The following GRM5 variants were observed in gnomAD, a reference collection of about 807,000 sequenced individuals.
GRM5 encodes metabotropic glutamate receptor 5.
A neutral mutation model predicts 83.1 loss-of-function variants in GRM5; 19 were observed. The observed-to-expected ratio is 0.23, with a 90% CI of 0.16 to 0.34. The LOEUF (loss-of-function observed/expected upper bound fraction) is 0.34, where lower values mean the gene tolerates loss of function less well. Ranked by LOEUF, GRM5 falls within the 10% of genes least tolerant of loss-of-function variation. GRM5 has a pLI of 1.00. For synonymous variants in GRM5, 675 were observed against 633.6 expected, an observed-to-expected ratio of 1.07 and a Z score of -0.98; for missense variants, 1,160 against 1,588.3, an observed-to-expected ratio of 0.73 and a Z score of 4.58.
At chr11:89,002,897 G>A (rs932911861) in intron 2 of GRM5, among the ~76,000 whole-genome samples, 2 of 151,926 alleles carry the variant, frequency 1.3e-5, no homozygotes, top group African/African-American at 4.8e-5. Context: ...GGCTCACCCA[G>A]AGAACCTTAT....
chr11:88,722,223 T>G (rs1234049629), intron 3 of GRM5, among the ~76,000 whole-genome samples: 1 of 152,122 alleles, frequency 6.6e-6, no homozygotes, highest in Admixed American at 6.6e-5. Context: ...GAGGGTGGAA[T>G]AGCAGAATTA....
At chr11:88,671,253 CCAGA>C (rs1940186034) in intron 3 of GRM5, among the ~76,000 whole-genome samples, 1 of 151,914 alleles carries the variant, frequency 6.6e-6, no homozygotes, top group Non-Finnish European at 1.5e-5. Context: ...TCCCCTTCTC[CCAGA>C]CAGATTCCAA....
intron 3 of GRM5, among the ~76,000 whole-genome samples, chr11:88,705,817 G>C (rs1345791596): frequency 6.6e-6 from 1 of 151,754 alleles, no homozygotes; most frequent in Admixed American, 6.6e-5. Context: ...CAAACTTCTT[G>C]GGTATGTCAC....
At chr11:88,568,667 A>T (rs1036532427) in intron 7 of GRM5, among the ~76,000 whole-genome samples, 3 of 152,124 alleles carry the variant, frequency 2.0e-5, no homozygotes, top group Non-Finnish European at 4.4e-5. Flanking sequence ...TTTGGATGAG[A>T]TAAAGGTGTG....
At chr11:88,763,427 G>A (rs1474515759) in intron 3 of GRM5, among the ~76,000 whole-genome samples, 1 of 151,744 alleles carries the variant, frequency 6.6e-6, no homozygotes, top group Non-Finnish European at 1.5e-5. Context: ...TTTTCTACAT[G>A]ACTAAATTAC....
At chr11:89,037,266 C>T (rs4275633) in intron 2 of GRM5, among the ~76,000 whole-genome samples, 7 of 150,114 alleles carry the variant, frequency 4.7e-5, no homozygotes, top group Admixed American at 6.7e-5. Context: ...TAGTGTACTA[C>T]ATTGGGATAT....
intron 2 of GRM5, among the ~76,000 whole-genome samples, chr11:88,991,502 GA>G (rs1213403064): frequency 2.0e-5 from 3 of 151,466 alleles, no homozygotes. Flanking sequence ...CACAGAATTG[GA>G]AAAAACTACT....
chr11:88,681,326 ATCT>A (rs2135345637), intron 3 of GRM5, among the ~76,000 whole-genome samples: 2 of 152,078 alleles, frequency 1.3e-5, no homozygotes, highest in African/African-American at 4.8e-5. Flanking sequence ...TCTGAAAGTC[ATCT>A]TCTCTTCAAA....
chr11:88,870,768 G>A (rs1174000562), intron 2 of GRM5, among the ~76,000 whole-genome samples: 1 of 151,482 alleles, frequency 6.6e-6, no homozygotes, highest in African/African-American at 2.4e-5. Flanking sequence ...AGAGGTCTGG[G>A]CAGTGGGGGA....
intron 3 of GRM5, among the ~76,000 whole-genome samples, chr11:88,803,518 C>A (rs1943440419): frequency 6.6e-6 from 1 of 152,070 alleles, no homozygotes; most frequent in South Asian, 2.1e-4. Flanking sequence ...TTCCTTACAC[C>A]TTATACAAAA....
intron 3 of GRM5, among the ~76,000 whole-genome samples, chr11:88,801,311 C>G (rs907951260): frequency 1.3e-4 from 20 of 152,214 alleles, no homozygotes; most frequent in African/African-American, 4.8e-4. Context: ...CTCACTGAAG[C>G]TATAAATTAC....
At chr11:88,524,510 G>A (rs1208174490) in intron 9 of GRM5, among the ~76,000 whole-genome samples, 9 of 150,978 alleles carry the variant, frequency 6.0e-5, no homozygotes, top group East Asian at 2.0e-4. Flanking sequence ...GAGCCAATGC[G>A]CCCGGCCCCA....
At chr11:88,987,429 G>A (rs1229546119) in intron 2 of GRM5, among the ~76,000 whole-genome samples, 1 of 151,904 alleles carries the variant, frequency 6.6e-6, no homozygotes, top group Admixed American at 6.6e-5. Flanking sequence ...AGCGAGGTTG[G>A]GGGAGGGGCG....
At chr11:88,933,356 A>G (rs1026254374) in intron 2 of GRM5, among the ~76,000 whole-genome samples, 10 of 151,832 alleles carry the variant, frequency 6.6e-5, no homozygotes, top group East Asian at 3.9e-4. Context: ...GAGTTCCTCT[A>G]TTGGTGAAAG....
At chr11:88,746,873 A>G (rs1005687142) in intron 3 of GRM5, among the ~76,000 whole-genome samples, 3 of 152,152 alleles carry the variant, frequency 2.0e-5, no homozygotes, top group Admixed American at 2.0e-4. Context: ...AAGAAACCTA[A>G]CCATAAAAAT....
At chr11:88,641,164 G>A (rs1257081287) in intron 4 of GRM5, among the ~76,000 whole-genome samples, 2 of 151,972 alleles carry the variant, frequency 1.3e-5, no homozygotes, top group Non-Finnish European at 2.9e-5. Context: ...ACATGCCAGA[G>A]CAGGACCAAG....
chr11:88,515,211 T>C (rs1941490078), intron 9 of GRM5, among the ~76,000 whole-genome samples: 1 of 152,162 alleles, frequency 6.6e-6, no homozygotes, highest in Admixed American at 6.6e-5. Flanking sequence ...CGGGAGCATA[T>C]GCCAAGCATT....
intron 2 of GRM5, among the ~76,000 whole-genome samples, chr11:89,013,514 A>G (rs1940765394): frequency 6.6e-6 from 1 of 152,200 alleles, no homozygotes; most frequent in Non-Finnish European, 1.5e-5. Flanking sequence ...GAAGTCAACA[A>G]TACAAATTCA....
At chr11:88,671,059 C>T (rs1940180813) in intron 3 of GRM5, among the ~76,000 whole-genome samples, 1 of 151,976 alleles carries the variant, frequency 6.6e-6, no homozygotes, top group Admixed American at 6.6e-5. Flanking sequence ...TTCTAAAGTT[C>T]ACCTTAATAA....
Sources: gnomAD v4.1 joint callset for allele counts (sites outside exome capture counted in the v4.1 genomes callset) on GRCh38, gnomAD v4.1.1 for gene constraint, MANE v1.5 for transcripts, NCBI Gene and HGNC (gene_info 2026-07-23, HGNC 2026-07-21) for gene names.